The following ZNF385D variants were observed in gnomAD, a reference collection of about 807,000 sequenced individuals.
The protein encoded by ZNF385D is zinc finger protein 385D, also known as zinc finger protein 659.
In ZNF385D, 15 loss-of-function variants were observed where a neutral mutation model predicts 35.8. That is an observed-to-expected ratio of 0.42 (90% CI 0.28 to 0.64). The LOEUF (loss-of-function observed/expected upper bound fraction) is 0.64. Ranked by LOEUF, ZNF385D falls within the 30% of genes least tolerant of loss-of-function variation. The pLI is 0.23. For synonymous variants in ZNF385D, 212 were observed against 186.8 expected (o/e 1.13, Z -1.10); for missense variants, 474 against 494.6 (o/e 0.96, Z 0.39).
rs143179192 is a variant in ZNF385D at position 21,835,547 on chromosome 3, G to A, written c.326-170519C>T. ...AAAAAAAAAAAACTAAACCAAATACGTATGTTCACTAAGGATAAAGGCACA... is the reference window on the plus strand; with the variant it reads ...AAAAAAAAAAAACTAAACCAAATACATATGTTCACTAAGGATAAAGGCACA... On this transcript the variant is annotated intron_variant, in intron 3 of 5. Transcript: ENST00000494108. 6.6e-4 allele frequency among the ~76,000 whole-genome samples: 100 copies of A among 150,954 alleles called. 1 individual carries two copies. The highest frequency in any genetic ancestry group is 6.9e-3 in the Middle Eastern group (2 of 290).
chr3:22,094,926 T>C (rs1433018437), intron 3 of ZNF385D, among the ~76,000 whole-genome samples: 1 of 151,978 alleles, frequency 6.6e-6, no homozygotes, highest in African/African-American at 2.4e-5. Flanking sequence ...TATCTCTTTT[T>C]TCATGGTCTC....
rs748686215 is a variant in ZNF385D at position 21,995,995 on chromosome 3, T to C, written c.325+172822A>G. On this transcript the variant is annotated intron_variant, in intron 3 of 5. Transcript: ENST00000494108. ...CCACTGAGTCTAGCTGACATCGTGA[T>C]CCTGCAGCCCTTTGGGTGGACACAG... Among the ~76,000 whole-genome samples, 205 of 152,092 alleles carry C rather than the reference T, an allele frequency of 1.3e-3. 4 individuals are homozygous for C. Among genetic ancestry groups the C allele is most frequent in the Non-Finnish European group, 3.7e-4 (25 of 68,016 alleles).
chr3:21,556,062 G>GTTTTTGTTTTTTTTTTT, intron 3 of ZNF385D, among the ~76,000 whole-genome samples: 1 of 93,148 alleles, frequency 1.1e-5, no homozygotes, highest in South Asian at 3.3e-4. Flanking sequence ...CGTTTTTTTT[G>GTTTTTGTTTTTTTTTTT]TTTTTGTTTT....
intron 3 of ZNF385D, among the ~76,000 whole-genome samples, chr3:21,820,580 A>C (rs1005766283): frequency 4.6e-5 from 7 of 151,732 alleles, no homozygotes; most frequent in Admixed American, 2.6e-4. Flanking sequence ...AAATAGAATA[A>C]ATCAAAATGT....
In ZNF385D at chr3:21,596,924, C is replaced by T. The variant is rs570066668; in HGVS notation, c.166-32240G>A. ...TCTTCATGACATTCCTTGGCTTCTC[C>T]CTTCACTTTCAGGCCTGAAAACAAC... On this transcript the variant is annotated intron_variant, in intron 2 of 7. Coordinates refer to ENST00000281523, the MANE Select transcript of ZNF385D (RefSeq NM_024697.3). 3.9e-5 allele frequency among the ~76,000 whole-genome samples: 6 copies of T among 152,126 alleles called. No individual in the cohort carries two copies. The East Asian group carries it at 5.8e-4, about 15-fold the overall frequency.
intron 2 of ZNF385D, among the ~76,000 whole-genome samples, chr3:21,565,960 G>C (rs2063131122): frequency 6.6e-6 from 1 of 152,100 alleles, no homozygotes; most frequent in Admixed American, 6.5e-5. Flanking sequence ...CTCCTTTTGT[G>C]TTTCTCAGGT....
chr3:21,960,632 A>G (rs182047458), intron 3 of ZNF385D, among the ~76,000 whole-genome samples: 1 of 152,170 alleles, frequency 6.6e-6, no homozygotes, highest in Admixed American at 6.6e-5. Context: ...GGACACCTAC[A>G]CTCCTTTGTT....
At chr3:22,004,499 G>A (rs1278500909) in intron 3 of ZNF385D, among the ~76,000 whole-genome samples, 1 of 152,152 alleles carries the variant, frequency 6.6e-6, no homozygotes, top group African/African-American at 2.4e-5. Flanking sequence ...GAGACAACCT[G>A]TGGAATAGGA....
At chr3:22,080,499 C>T (rs1355539753) in intron 3 of ZNF385D, among the ~76,000 whole-genome samples, 5 of 151,900 alleles carry the variant, frequency 3.3e-5, no homozygotes, top group Non-Finnish European at 1.5e-5. Context: ...AAAAGCTTTA[C>T]CAATAAGCGG....
chr3:21,734,907 A>G (rs2069174567), intron 1 of ZNF385D, among the ~76,000 whole-genome samples: 1 of 151,774 alleles, frequency 6.6e-6, no homozygotes, highest in African/African-American at 2.4e-5. Flanking sequence ...GAGATAAATG[A>G]TGCACACTGC....
chr3:21,911,468 C>G (rs1029386051), intron 3 of ZNF385D, among the ~76,000 whole-genome samples: 1 of 151,804 alleles, frequency 6.6e-6, no homozygotes, highest in Non-Finnish European at 1.5e-5. Flanking sequence ...ATATGTGACT[C>G]TAGGTAAGTT....
chr3:22,200,094 A>T (rs1696681206), intron 2 of ZNF385D, among the ~76,000 whole-genome samples: 1 of 152,070 alleles, frequency 6.6e-6, no homozygotes. Context: ...ACAGAATAGG[A>T]ACATCCAGAA....
intron 2 of ZNF385D, among the ~76,000 whole-genome samples, chr3:21,593,608 A>G (rs1008555789): frequency 3.3e-5 from 5 of 152,140 alleles, no homozygotes; most frequent in African/African-American, 9.7e-5. Flanking sequence ...TTACTCAAAC[A>G]TATGTGTGAG....
In ZNF385D at chr3:22,168,720, A is replaced by T. The variant is rs1007387871; in HGVS notation, c.325+97T>A. ...TTTTAAGTAATATTTTTCCTGGTTT[A>T]AAAAAATAGTTCATTCTTTTATCCT... is the stretch of plus-strand genomic sequence containing the variant. On this transcript the variant is annotated intron_variant, in intron 3 of 5. Transcript: ENST00000494108. 17 of 745,466 alleles carry T rather than the reference A, an allele frequency of 2.3e-5. No homozygotes were observed. In the South Asian group the frequency reaches 2.4e-4, roughly 11 times the overall value. 46.2% of individuals were successfully genotyped at this position (745,466 alleles called of 1,614,324 possible).
chr3:21,893,726 C>T (rs1005909089), intron 3 of ZNF385D, among the ~76,000 whole-genome samples: 5 of 152,078 alleles, frequency 3.3e-5, no homozygotes, highest in African/African-American at 1.2e-4. Flanking sequence ...GAGAATTTCC[C>T]TCTCGTCAAG....
Position 21,897,307 on chromosome 3 carries a change from T to G in ZNF385D, c.326-232279A>C, listed in dbSNP as rs148125009. Among the ~76,000 whole-genome samples, 400 of 152,266 alleles carry G rather than the reference T, an allele frequency of 2.6e-3. 1 individual carries two copies. The highest frequency in any genetic ancestry group is 9.2e-3 in the African/African-American group (381 of 41,552). On this transcript the variant is annotated intron_variant, in intron 3 of 5. Transcript: ENST00000494108. ...AATACATTGCCTGGGTGACTGATAT[T>G]GATTACTAAGAACTATATAGTAAGA...
chr3:21,823,168 G>C (rs1211279867), intron 3 of ZNF385D, among the ~76,000 whole-genome samples: 6 of 151,944 alleles, frequency 3.9e-5, no homozygotes, highest in Non-Finnish European at 1.5e-5. Context: ...TTAATGATAT[G>C]CTCCATAAAA....
chr3:21,654,986 G>T (rs2066030591), intron 2 of ZNF385D, among the ~76,000 whole-genome samples: 1 of 152,084 alleles, frequency 6.6e-6, no homozygotes, highest in African/African-American at 2.4e-5. Context: ...GTCTGAGAAA[G>T]TTAGTTATTC....
chr3:22,185,324 A>G (rs556278384), intron 2 of ZNF385D, among the ~76,000 whole-genome samples: 91 of 152,234 alleles, frequency 6.0e-4, no homozygotes, highest in Admixed American at 1.3e-3. Context: ...TTGTAATTCA[A>G]TGGTGCTCGT....
Sources: gnomAD v4.1 joint callset for allele counts (sites outside exome capture counted in the v4.1 genomes callset) on GRCh38, gnomAD v4.1.1 for gene constraint, MANE v1.5 for transcripts, NCBI Gene and HGNC (gene_info 2026-07-23, HGNC 2026-07-21) for gene names.